WASHC3: variants seen among roughly 807,000 people sequenced by gnomAD.
WASHC3 encodes WASH complex subunit 3, also known as WASH complex subunit CCDC53.
In WASHC3, 24 loss-of-function variants were observed where a neutral mutation model predicts 26.1. The ratio of observed to expected loss-of-function variants is 0.92; its 90% CI spans 0.66 to 1.29. WASHC3 has a LOEUF of 1.29. Ranked by LOEUF, WASHC3 falls within the 50% of genes most tolerant of loss-of-function variation. The pLI, the probability that WASHC3 is intolerant of heterozygous loss-of-function variation, is 0.00. For missense variants in WASHC3, 214 were observed against 229.6 expected (o/e 0.93, Z 0.44); for synonymous variants, 77 against 75.7 (o/e 1.02, Z -0.09).
intron 2 of WASHC3, among the ~76,000 whole-genome samples, chr12:102,047,415 C>T (rs1237781743): frequency 6.6e-6 from 1 of 152,146 alleles, no homozygotes; most frequent in East Asian, 1.9e-4. Context: ...TTGATATCGA[C>T]AAAGACATAA....
chr12:102,059,144 G>A (rs1878707128), intron 2 of WASHC3, among the ~76,000 whole-genome samples: 1 of 152,072 alleles, frequency 6.6e-6, no homozygotes, highest in Admixed American at 6.6e-5. Context: ...GGTGACTGCT[G>A]TTAATAACAA....
chr12:102,048,691 A>G (rs1878267313), intron 2 of WASHC3, among the ~76,000 whole-genome samples: 1 of 152,128 alleles, frequency 6.6e-6, no homozygotes, highest in Non-Finnish European at 1.5e-5. Flanking sequence ...ATACTTCAAA[A>G]TTAAGGTTAT....
intron 6 of WASHC3, among the ~76,000 whole-genome samples, chr12:102,018,925 G>GTAGCTGGTATTAC (rs150033364): frequency 0.18 from 27,725 of 151,968 alleles, 2,608 homozygotes; most frequent in Non-Finnish European, 0.21. Context: ...AGCCTCCTGA[G>GTAGCTGGTATTAC]TAGCTGGTAT....
Position 102,021,682 on chromosome 12 carries a change from A to G in WASHC3, c.500+4292T>C, listed in dbSNP as rs561629842. On this transcript the variant is annotated intron_variant, in intron 6 of 6. Transcript: ENST00000240079. ...GAAACAGTAAAAACCCTATTTTTGG[A>G]TGTCCAGTTGTGCAACTGAGATCTA... Among the ~76,000 whole-genome samples the G allele has an allele frequency of 2.0e-5, 3 of 152,262 alleles. No individual in the cohort carries two copies. In the South Asian group the frequency reaches 6.2e-4, roughly 32 times the overall value.
intron 5 of WASHC3, among the ~76,000 whole-genome samples, chr12:102,027,788 A>G (rs1877262964): frequency 1.3e-5 from 2 of 152,156 alleles, no homozygotes; most frequent in African/African-American, 4.8e-5. Flanking sequence ...AGCAAAGGCA[A>G]TGTGGTCATT....
intron 2 of WASHC3, among the ~76,000 whole-genome samples, chr12:102,048,649 TA>T (rs72118503): frequency 0.11 from 16,774 of 149,528 alleles, 1,428 homozygotes; most frequent in East Asian, 0.29. Flanking sequence ...GTTTTTTTTT[TA>T]AATCACATCA....
chr12:102,053,774 G>GA (rs959477478), intron 2 of WASHC3, among the ~76,000 whole-genome samples: 122 of 149,136 alleles, frequency 8.2e-4, no homozygotes, highest in African/African-American at 2.9e-3. Context: ...TTTTAGAGCT[G>GA]AAAAAAAAAT....
intron 5 of WASHC3, among the ~76,000 whole-genome samples, chr12:102,036,381 AAATC>A (rs1877661312): frequency 6.6e-6 from 1 of 151,960 alleles, no homozygotes; most frequent in Admixed American, 6.6e-5. Flanking sequence ...AAAAAAAAAA[AAATC>A]CAATTCAGGA....
chr12:102,029,219 C>A (rs978935480), intron 5 of WASHC3, among the ~76,000 whole-genome samples: 2 of 152,128 alleles, frequency 1.3e-5, no homozygotes, highest in Non-Finnish European at 2.9e-5. Flanking sequence ...AAGAAGTGTC[C>A]AATTTCTGAT....
chr12:102,035,083 G>A (rs764589425), intron 5 of WASHC3, among the ~76,000 whole-genome samples: 9 of 151,976 alleles, frequency 5.9e-5, no homozygotes, highest in African/African-American at 1.5e-4. Flanking sequence ...CTACCTAGCC[G>A]GATGGAAGAT....
intron 5 of WASHC3, among the ~76,000 whole-genome samples, chr12:102,029,774 G>A (rs970251007): frequency 6.6e-5 from 10 of 152,058 alleles, no homozygotes; most frequent in Non-Finnish European, 1.2e-4. Flanking sequence ...AAAACATGAA[G>A]TTTTCTTCCC....
At chr12:102,014,795 A>G (rs950671918) in intron 6 of WASHC3, among the ~76,000 whole-genome samples, 6 of 152,182 alleles carry the variant, frequency 3.9e-5, no homozygotes, top group African/African-American at 1.4e-4. Flanking sequence ...ATTAGAAGCA[A>G]CAACTCTAGA....
intron 2 of WASHC3, among the ~76,000 whole-genome samples, chr12:102,047,054 A>T (rs1019755239): frequency 6.6e-6 from 1 of 152,196 alleles, no homozygotes; most frequent in Admixed American, 6.5e-5. Flanking sequence ...CATGCTTGTT[A>T]CTCTGTATAA....
intron 5 of WASHC3, among the ~76,000 whole-genome samples, chr12:102,037,749 G>C (rs1423593261): frequency 6.6e-6 from 1 of 151,974 alleles, no homozygotes; most frequent in Non-Finnish European, 1.5e-5. Flanking sequence ...TGAATAAAAA[G>C]TAAATATTTA....
chr12:102,042,649 T>C (rs563108789), intron 4 of WASHC3, among the ~76,000 whole-genome samples: 1 of 152,332 alleles, frequency 6.6e-6, no homozygotes, highest in East Asian at 1.9e-4. Context: ...TAAATTAGTT[T>C]ATGAAAGGCA....
intron 5 of WASHC3, among the ~76,000 whole-genome samples, chr12:102,037,857 G>A (rs1455139264): frequency 2.6e-5 from 4 of 151,554 alleles, no homozygotes; most frequent in African/African-American, 9.7e-5. Context: ...AGTACAATGC[G>A]TGATCTTGGC....
intron 5 of WASHC3, among the ~76,000 whole-genome samples, chr12:102,037,004 T>C (rs1301436453): frequency 6.6e-6 from 1 of 152,228 alleles, no homozygotes; most frequent in Non-Finnish European, 1.5e-5. Flanking sequence ...AAGATATAGT[T>C]TAAAAATATT....
chr12:102,061,819 T>A (rs1010588360), intron 1 of WASHC3, 93 bp downstream of exon 1: 37 of 1,100,044 alleles, frequency 3.4e-5, no homozygotes, highest in African/African-American at 6.3e-5. Flanking sequence ...CGTGACAGGG[T>A]GGGGACTCGG....
rs1303248261 is a variant in WASHC3 at position 102,025,971 on chromosome 12, T to C, written c.500+3A>G. ...ATATCATTATATTAGAAGAATTACT[T>C]ACTCAAGAAGATCTGGGTCTAGTCC... On this transcript the variant is annotated splice_donor_region_variant and intron_variant, in intron 6 of 6. Transcript: ENST00000240079. The C allele has an allele frequency of 1.4e-6, 2 of 1,410,160 alleles. No individual in the cohort carries two copies. The highest frequency in any genetic ancestry group is 2.0e-6 in the Non-Finnish European group (2 of 1,017,466). The allele number at this position is 1,410,160 out of a possible 1,614,324, so 87.4% of individuals were successfully genotyped here.
Sources: gnomAD v4.1 joint callset for allele counts (sites outside exome capture counted in the v4.1 genomes callset) on GRCh38, gnomAD v4.1.1 for gene constraint, MANE v1.5 for transcripts, NCBI Gene and HGNC (gene_info 2026-07-23, HGNC 2026-07-21) for gene names.